Variants in CYP3A43 observed in about 807,000 individuals in gnomAD.
The protein encoded by CYP3A43 is cytochrome P450 family 3 subfamily A member 43, also known as cytochrome P450 3A43.
In CYP3A43, 45 loss-of-function variants were observed where a neutral mutation model predicts 58.0. The ratio of observed to expected loss-of-function variants is 0.78; its 90% CI spans 0.61 to 0.99. CYP3A43 has a LOEUF of 0.99. CYP3A43 is among the 50% of genes least tolerant of loss of function. CYP3A43 has a pLI of 0.00. For synonymous variants in CYP3A43, 191 were observed against 201.4 expected (o/e 0.95, Z 0.44); for missense variants, 593 against 591.9 (o/e 1.00, Z -0.02).
At chr7:99,828,229 T>C (rs200290120) in intron 1 of CYP3A43, 43 bp downstream of exon 1, 2 of 1,450,772 alleles carry the variant, frequency 1.4e-6, no homozygotes, top group East Asian at 4.6e-5. Flanking sequence ...CTCTAAGACC[T>C]GAAGTGCTAA....
chr7:99,864,680 G>T (rs1410505326), intron 12 of CYP3A43, among the ~76,000 whole-genome samples: 1 of 148,670 alleles, frequency 6.7e-6, no homozygotes, highest in Non-Finnish European at 1.5e-5. Flanking sequence ...ATAGTGTCTT[G>T]CAGAGGACAT....
intron 3 of CYP3A43, among the ~76,000 whole-genome samples, chr7:99,841,727 C>T (rs919977176): frequency 6.6e-6 from 1 of 152,140 alleles, no homozygotes; most frequent in Non-Finnish European, 1.5e-5. Flanking sequence ...GATGGAGTCT[C>T]ACTCTGTTAC....
chr7:99,852,224 T>C (rs1370157388), intron 7 of CYP3A43, among the ~76,000 whole-genome samples: 1 of 152,198 alleles, frequency 6.6e-6, no homozygotes, highest in African/African-American at 2.4e-5. Context: ...AGTTTTGAAA[T>C]TGGGAAGTAT....
At chr7:99,854,215 T>C (rs1009770102) in intron 7 of CYP3A43, among the ~76,000 whole-genome samples, 10 of 149,458 alleles carry the variant, frequency 6.7e-5, no homozygotes, top group African/African-American at 2.6e-4. Flanking sequence ...TCCATGAGTT[T>C]TGAGTTTTGA....
At position 99,842,834 on chromosome 7, in the gene CYP3A43, C is replaced by G. The variant is rs955200767; in HGVS notation, c.219-1309C>G. Among the ~76,000 whole-genome samples, 7 of 152,226 alleles carry G rather than the reference C, an allele frequency of 4.6e-5. No homozygotes were observed. In the South Asian group the frequency reaches 1.4e-3, roughly 32 times the overall value. On this transcript the variant is annotated intron_variant, in intron 3 of 12. Transcript: ENST00000354829. The stretch of plus-strand genomic sequence containing the variant: ...GATGGCGTCCCTCGTAAGTTTCTCA[C>G]AAGGACGTTCCTTATGAGTCCCTAA...
Position 99,828,026 on chromosome 7 carries a change from G to A in CYP3A43, c.-90G>A. On this transcript the variant is annotated 5_prime_UTR_variant, in exon 1 of 13. Coordinates refer to ENST00000354829, the MANE Select transcript of CYP3A43 (RefSeq NM_057095.3). Reference sequence around the variant, plus strand: ...ATTAACTAAATCACCTCTGGGCAGAGAAACAAAGCTCTATATGCACAGCCC... The same window carrying A: ...ATTAACTAAATCACCTCTGGGCAGAAAAACAAAGCTCTATATGCACAGCCC... 1.9e-6 allele frequency: 2 copies of A among 1,029,394 alleles called. No individual in the cohort carries two copies. Among genetic ancestry groups the A allele is most frequent in the Non-Finnish European group, 2.8e-6 (2 of 703,872 alleles). 63.8% of individuals were successfully genotyped at this position (1,029,394 alleles called of 1,614,324 possible).
chr7:99,841,814 A>G (rs1408170030), intron 3 of CYP3A43, among the ~76,000 whole-genome samples: 1 of 151,984 alleles, frequency 6.6e-6, no homozygotes, highest in African/African-American at 2.4e-5. Context: ...CAGCCTCCCA[A>G]CTTTGACACA....
At chr7:99,864,727 G>T (rs1818381155) in intron 12 of CYP3A43, among the ~76,000 whole-genome samples, 1 of 148,670 alleles carries the variant, frequency 6.7e-6, no homozygotes, top group South Asian at 2.1e-4. Flanking sequence ...TTTAAGGAGT[G>T]AGTTTCAGTT....
Position 99,857,520 on chromosome 7 carries a change from T to C in CYP3A43, c.865+621T>C, listed in dbSNP as rs76411659. ...AAAGTTTGACAACCATATGACATAA[T>C]TGTGAATATTAACAATTAATTCTAA... On this transcript the variant is annotated intron_variant, in intron 9 of 12. Coordinates refer to ENST00000354829, the MANE Select transcript of CYP3A43 (RefSeq NM_057095.3). Among the ~76,000 whole-genome samples, 1,504 of 152,242 alleles carry C rather than the reference T, an allele frequency of 9.9e-3. 25 individuals are homozygous for C. The highest frequency in any genetic ancestry group is 0.032 in the African/African-American group (1,334 of 41,544).
At chr7:99,840,304 C>T (rs1053941769) in intron 3 of CYP3A43, among the ~76,000 whole-genome samples, 1 of 152,178 alleles carries the variant, frequency 6.6e-6, no homozygotes, top group African/African-American at 2.4e-5. Context: ...GAATTCTATA[C>T]ATCTGCCCTA....
chr7:99,840,931 G>A (rs1817306416), intron 3 of CYP3A43, among the ~76,000 whole-genome samples: 1 of 152,200 alleles, frequency 6.6e-6, no homozygotes, highest in Non-Finnish European at 1.5e-5. Flanking sequence ...ATTGGCTCAT[G>A]TGCTGAGGTC....
rs762918928 is a variant in CYP3A43, at chr7:99,836,467, C to A, written c.86C>A (p.Ser29Ter). 2.5e-6 allele frequency: 4 copies of A among 1,610,856 alleles called. No homozygotes were observed. The highest frequency in any genetic ancestry group is 3.4e-6 in the Non-Finnish European group (4 of 1,179,248). The change falls in exon 2 of 13, where the codon TCA becomes TAA. Residue 29 changes from serine (S) to a stop codon, truncating the protein, a stop_gained. Transcript: ENST00000354829. LOFTEE classifies it high-confidence loss of function. ...LVLLYIYGTH[S>*]HKLFKKLGIP... ...TTATTTTATAGTTATGGGACCCATT[C>A]ACATAAACTTTTTAAGAAGCTGGGA...
rs369153065 is a variant in CYP3A43 at position 99,836,174 on chromosome 7, G to C, written c.72-279G>C. Among the ~76,000 whole-genome samples, 13 of 152,326 alleles carry C rather than the reference G, an allele frequency of 8.5e-5. No individual in the cohort carries two copies. The East Asian group carries it at 1.5e-3, about 18-fold the overall frequency. On this transcript the variant is annotated intron_variant, in intron 1 of 12. Transcript: ENST00000354829. ...AGAGTCAGGAGCACCCGAAAAGTCA[G>C]GCTTGGAAGAAAGTGAGGCTCAGTC...
At chr7:99,848,004 T>TC (rs1817602121) in intron 5 of CYP3A43, 162 bp from the exon 6 acceptor site, 2 of 710,160 alleles carry the variant, frequency 2.8e-6, no homozygotes, top group Non-Finnish European at 4.7e-6. Context: ...AGAGCGAAAC[T>TC]CTGTCTCAAA....
rs759943152 is a variant in CYP3A43, at chr7:99,837,974, T to C, written c.166-1146T>C. Among the ~76,000 whole-genome samples the C allele has an allele frequency of 9.9e-4, 151 of 152,248 alleles. 2 individuals are homozygous for C. Among genetic ancestry groups the C allele is most frequent in the Non-Finnish European group, 4.7e-4 (32 of 68,046 alleles). ...AGGCCTTCATTGCAAAATTACCACT[T>C]AAGAATTTCATCCTTTTTTACCCCC... On this transcript the variant is annotated intron_variant, in intron 2 of 12. Coordinates refer to ENST00000354829, the MANE Select transcript of CYP3A43 (RefSeq NM_057095.3).
At position 99,859,894 on chromosome 7, in the gene CYP3A43, T is replaced by C. The variant is rs45537741; in HGVS notation, c.930T>C (p.Thr310=). 20,623 of 1,614,126 alleles carry C rather than the reference T, an allele frequency of 0.013. 186 individuals carry two copies. The highest frequency in any genetic ancestry group is 0.02 in the South Asian group (1,848 of 91,072). ...TCATTTTTGCTGCCTATGACACAAC[T>C]AGCACCACTCTCCCCTTCATTATGT... ...IIIIFAAYDT[T]STTLPFIMYE... is the part of the protein sequence containing the mutation. The change falls in exon 10 of 13, where the codon ACT becomes ACC. Residue 310 remains threonine (T), a synonymous_variant. Coordinates refer to ENST00000354829, the MANE Select transcript of CYP3A43 (RefSeq NM_057095.3).
intron 7 of CYP3A43, chr7:99,849,955 A>AC: frequency 2.8e-6 from 1 of 362,798 alleles, no homozygotes; most frequent in African/African-American, 3.7e-5. Context: ...CTTCCTCACC[A>AC]TTTTTTTTTT....
At chr7:99,842,696 G>T (rs1232465280) in intron 3 of CYP3A43, among the ~76,000 whole-genome samples, 10 of 152,180 alleles carry the variant, frequency 6.6e-5, no homozygotes, top group Non-Finnish European at 1.5e-4. Flanking sequence ...ACTGAGTCAT[G>T]CAATACTGCC....
chr7:99,829,277 A>G (rs1816747078), intron 1 of CYP3A43, among the ~76,000 whole-genome samples: 1 of 152,208 alleles, frequency 6.6e-6, no homozygotes, highest in South Asian at 2.1e-4. Context: ...AAAAGAGCCA[A>G]ACTCTGTACA....
Sources: gnomAD v4.1 joint callset for allele counts (sites outside exome capture counted in the v4.1 genomes callset) on GRCh38, gnomAD v4.1.1 for gene constraint, MANE v1.5 for transcripts, NCBI Gene and HGNC (gene_info 2026-07-23, HGNC 2026-07-21) for gene names.